Variants in TMEM132C observed in about 807,000 individuals in gnomAD.
The protein encoded by TMEM132C is transmembrane protein 132C.
A neutral mutation model predicts 61.4 loss-of-function variants in TMEM132C; 29 were observed. The observed-to-expected ratio is 0.47, with a 90% confidence interval of 0.35 to 0.64. The LOEUF is 0.64. TMEM132C is among the 30% of genes least tolerant of loss of function. The pLI is 0.00. For missense variants in TMEM132C, 1,408 were observed against 1,476.9 expected (o/e 0.95, Z 0.76); for synonymous variants, 656 against 633.1 (o/e 1.04, Z -0.54).
rs1303230114 is a variant in TMEM132C at position 128,415,857 on chromosome 12, A to T, written c.974+237A>T. Among the ~76,000 whole-genome samples the T allele has an allele frequency of 6.6e-6, 1 of 152,132 alleles. No homozygotes were observed. Among genetic ancestry groups the T allele is most frequent in the Non-Finnish European group, 1.5e-5 (1 of 68,030 alleles). On this transcript the variant is annotated intron_variant, in intron 2 of 8. Coordinates refer to ENST00000435159, the MANE Select transcript of TMEM132C (RefSeq NM_001136103.3). This position sits in a 1 kb window ranked among gnomAD's most constrained non-coding sequence, Gnocchi z 5.8. ...GCGGGCAGAAATTATTTCCAAAAGG[A>T]GCAAGATGAGAGTAATCCGCCTCTC...
At chr12:128,560,309 C>T (rs1365247786) in intron 3 of TMEM132C, among the ~76,000 whole-genome samples, 1 of 152,186 alleles carries the variant, frequency 6.6e-6, no homozygotes, top group African/African-American at 2.4e-5. Context: ...AATCCCCAAG[C>T]TTGGTTGTGG....
At chr12:128,601,159 G>A (rs530025350) in intron 3 of TMEM132C, among the ~76,000 whole-genome samples, 2 of 152,192 alleles carry the variant, frequency 1.3e-5, no homozygotes, top group African/African-American at 2.4e-5. Context: ...TCTGCATCTC[G>A]CTTCTCTCTT....
Position 128,415,071 on chromosome 12 carries a change from T to A in TMEM132C, c.425T>A (p.Leu142Gln). 1 of 1,600,494 alleles carries A rather than the reference T, an allele frequency of 6.2e-7. No individual in the cohort carries two copies. Among genetic ancestry groups the A allele is most frequent in the East Asian group, 2.3e-5 (1 of 44,184 alleles). Reference sequence around the variant, plus strand: ...CACATCCTGCGGGACAAAGTCTACCTGAGCCGGCCCAAAGTGCAGGTTCTT... The same window carrying A: ...CACATCCTGCGGGACAAAGTCTACCAGAGCCGGCCCAAAGTGCAGGTTCTT... Reference protein sequence around the residue: ...KAHILRDKVYLSRPKVQVLFH... With the variant: ...KAHILRDKVYQSRPKVQVLFH... The change falls in exon 2 of 9, where the codon CTG becomes CAG. Residue 142 changes from leucine (L) to glutamine (Q), a missense_variant. Coordinates refer to ENST00000435159, the MANE Select transcript of TMEM132C (RefSeq NM_001136103.3). The surrounding 1 kb of genome is among the most constrained non-coding windows in gnomAD (Gnocchi z 5.8).
chr12:128,400,583 C>T (rs1017261177), intron 1 of TMEM132C, among the ~76,000 whole-genome samples: 2 of 139,102 alleles, frequency 1.4e-5, no homozygotes, highest in Non-Finnish European at 3.0e-5. Context: ...AGGATGCCCC[C>T]CAACCCCATT....
chr12:128,412,285 C>T (rs781277977), intron 1 of TMEM132C, among the ~76,000 whole-genome samples: 5 of 152,142 alleles, frequency 3.3e-5, no homozygotes, highest in East Asian at 1.9e-4. Flanking sequence ...AAGCAACACC[C>T]TCCATCTTTT....
chr12:128,345,236 T>C (rs932094065), intron 1 of TMEM132C, among the ~76,000 whole-genome samples: 3 of 152,218 alleles, frequency 2.0e-5, no homozygotes, highest in Admixed American at 6.5e-5. Flanking sequence ...GTACATGATC[T>C]CATTCCTTTT....
At chr12:128,587,010 T>C (rs1875572050) in intron 3 of TMEM132C, among the ~76,000 whole-genome samples, 1 of 152,204 alleles carries the variant, frequency 6.6e-6, no homozygotes, top group Non-Finnish European at 1.5e-5. Flanking sequence ...TATTCACAGA[T>C]ACGTTGGGCC....
At chr12:128,398,198 G>C (rs1875029693) in intron 1 of TMEM132C, among the ~76,000 whole-genome samples, 1 of 152,224 alleles carries the variant, frequency 6.6e-6, no homozygotes, top group Non-Finnish European at 1.5e-5. Flanking sequence ...CCAGCTTCAG[G>C]CACTGCTGGA....
chr12:128,575,767 G>T (rs1353436685), intron 3 of TMEM132C, among the ~76,000 whole-genome samples: 3 of 152,192 alleles, frequency 2.0e-5, no homozygotes, highest in African/African-American at 7.2e-5. Flanking sequence ...ATAGGTCAAG[G>T]ACGACGCACT....
chr12:128,442,329 C>T lies in TMEM132C; in HGVS notation c.974+26709C>T, dbSNP rs1024595680. 1.5e-4 allele frequency among the ~76,000 whole-genome samples: 23 copies of T among 152,158 alleles called. 1 individual carries two copies. Among genetic ancestry groups the T allele is most frequent in the Non-Finnish European group, 2.1e-4 (14 of 68,032 alleles). On this transcript the variant is annotated intron_variant, in intron 2 of 8. Transcript: ENST00000435159. ...CAGATCCAGTGTGTGGGTTATTCTC[C>T]AGGGCATATGCACATGCAGTTTGCA...
At chr12:128,468,736 A>C (rs1174318868) in intron 2 of TMEM132C, among the ~76,000 whole-genome samples, 3 of 152,256 alleles carry the variant, frequency 2.0e-5, no homozygotes, top group African/African-American at 7.2e-5. Context: ...GTGTACCACT[A>C]ATGTTAGAAG....
intron 5 of TMEM132C, among the ~76,000 whole-genome samples, chr12:128,685,322 T>C (rs1180993002): frequency 6.6e-6 from 1 of 152,200 alleles, no homozygotes; most frequent in African/African-American, 2.4e-5. Context: ...CTCCAGCGTT[T>C]GGTTGTTCAA....
chr12:128,582,284 A>C (rs1875365956), intron 3 of TMEM132C, among the ~76,000 whole-genome samples: 1 of 152,242 alleles, frequency 6.6e-6, no homozygotes, highest in South Asian at 2.1e-4. Flanking sequence ...ATGCACATGA[A>C]AACAACAATA....
Position 128,616,266 on chromosome 12 carries a change from C to T in TMEM132C, c.1236C>T (p.Thr412=). ...AGGTGGAGTACCCACGGAAGGGGACCACAGACATCGCCGTGTCCGAGATCT... is the reference window on the plus strand; with the variant it reads ...AGGTGGAGTACCCACGGAAGGGGACTACAGACATCGCCGTGTCCGAGATCT... ...TWQVEYPRKG[T]TDIAVSEIFV... is the part of the protein sequence containing the mutation. The change falls in exon 4 of 9, where the codon ACC becomes ACT. Residue 412 remains threonine, a synonymous_variant. Transcript: ENST00000435159. 6.4e-7 allele frequency: 1 copy of T among 1,551,818 alleles called. No homozygotes were observed. The highest frequency in any genetic ancestry group is 8.7e-7 in the Non-Finnish European group (1 of 1,147,018).
At chr12:128,618,584 A>G (rs1876884752) in intron 4 of TMEM132C, among the ~76,000 whole-genome samples, 1 of 152,164 alleles carries the variant, frequency 6.6e-6, no homozygotes, top group African/African-American at 2.4e-5. Context: ...GAGGGACTCG[A>G]TGGGAGAAAA....
chr12:128,421,405 T>A (rs988628705), intron 2 of TMEM132C, among the ~76,000 whole-genome samples: 1 of 152,212 alleles, frequency 6.6e-6, no homozygotes, highest in African/African-American at 2.4e-5. Context: ...TCTTTTCTAT[T>A]GGGAAATTCA....
intron 2 of TMEM132C, among the ~76,000 whole-genome samples, chr12:128,514,338 T>C (rs890985546): frequency 1.3e-5 from 2 of 152,206 alleles, no homozygotes; most frequent in Admixed American, 1.3e-4. Flanking sequence ...TACGGTCTCC[T>C]TCAGTCTTCC....
At chr12:128,406,556 T>C (rs921600578) in intron 1 of TMEM132C, among the ~76,000 whole-genome samples, 1 of 152,116 alleles carries the variant, frequency 6.6e-6, no homozygotes, top group Non-Finnish European at 1.5e-5. Flanking sequence ...TTCCTATTAA[T>C]AGAAGAGGTG....
In TMEM132C at chr12:128,278,225, C is replaced by T. The variant is rs1870757667; in HGVS notation, c.85+10738C>T. Among the ~76,000 whole-genome samples the T allele has an allele frequency of 1.3e-5, 2 of 152,134 alleles. 1 individual carries two copies. The highest frequency in any genetic ancestry group is 4.1e-4 in the South Asian group (2 of 4,828). ...CATTTGTTCTGCTCCGGCTTTGTTC[C>T]CTCTTTCCTGCCTCCTAAATGGCAA... On this transcript the variant is annotated intron_variant, in intron 1 of 8. Transcript: ENST00000435159. This position sits in a 1 kb window ranked among gnomAD's most constrained non-coding sequence, Gnocchi z 4.2.
Sources: allele counts gnomAD v4.1 joint callset (sites outside exome capture counted in the v4.1 genomes callset), GRCh38; gene constraint gnomAD v4.1.1; non-coding constraint Gnocchi (gnomAD v3.1); transcripts MANE v1.5; gene names NCBI Gene and HGNC (gene_info 2026-07-23, HGNC 2026-07-21).